Variants in DCP1A observed in about 807,000 individuals in gnomAD.
DCP1A encodes the protein decapping mRNA 1A, also known as mRNA-decapping enzyme 1A.
DCP1A carries 20 observed loss-of-function variants against 58.0 expected under a neutral mutation model. The ratio of observed to expected loss-of-function variants is 0.34; its 90% CI spans 0.24 to 0.50. The LOEUF (loss-of-function observed/expected upper bound fraction) is 0.50. DCP1A is among the 20% of genes least tolerant of loss of function. The pLI, the probability that DCP1A is intolerant of heterozygous loss-of-function variation, is 0.98. For missense variants in DCP1A, 613 were observed against 712.2 expected (o/e 0.86, Z 1.59); for synonymous variants, 285 against 275.1 (o/e 1.04, Z -0.36).
At chr3:53,337,106 A>G (rs1222155575) in intron 3 of DCP1A, among the ~76,000 whole-genome samples, 1 of 152,110 alleles carries the variant, frequency 6.6e-6, no homozygotes, top group Non-Finnish European at 1.5e-5. Context: ...TCCTGACCGC[A>G]GGTGATCCAC....
At chr3:53,314,673 T>C (rs1011149602) in intron 4 of DCP1A, among the ~76,000 whole-genome samples, 75 of 139,726 alleles carry the variant, frequency 5.4e-4, no homozygotes, top group Non-Finnish European at 6.5e-4. Context: ...TTTTCTTTTT[T>C]TTTTTTTTTT....
At chr3:53,290,050 G>A (rs1559678390) in intron 8 of DCP1A, among the ~76,000 whole-genome samples, 1 of 152,146 alleles carries the variant, frequency 6.6e-6, no homozygotes, top group Non-Finnish European at 1.5e-5. Flanking sequence ...ACTCCAAGAT[G>A]TAAGACCAGT....
intron 5 of DCP1A, among the ~76,000 whole-genome samples, chr3:53,310,188 C>A (rs1184896425): frequency 6.6e-6 from 1 of 152,182 alleles, no homozygotes; most frequent in East Asian, 1.9e-4. Context: ...TTTTAATCTA[C>A]CCATAGACGA....
intron 6 of DCP1A, among the ~76,000 whole-genome samples, chr3:53,303,780 T>G (rs1345025295): frequency 3.9e-5 from 6 of 152,016 alleles, no homozygotes; most frequent in Non-Finnish European, 8.8e-5. Context: ...CAATGCAGAG[T>G]GACAGATGAG....
chr3:53,335,428 C>G (rs966049104), intron 3 of DCP1A, among the ~76,000 whole-genome samples: 8 of 152,198 alleles, frequency 5.3e-5, no homozygotes, highest in Non-Finnish European at 1.0e-4. Flanking sequence ...AGGCGTGAGC[C>G]ATAGTGTCCG....
At chr3:53,346,693 G>A (rs2089295905) in intron 1 of DCP1A, among the ~76,000 whole-genome samples, 2 of 152,100 alleles carry the variant, frequency 1.3e-5, no homozygotes, top group Non-Finnish European at 1.5e-5. Flanking sequence ...GAGTCCGAGG[G>A]GAGCATTCAG....
intron 6 of DCP1A, among the ~76,000 whole-genome samples, chr3:53,296,037 C>T (rs942995629): frequency 2.6e-5 from 4 of 151,994 alleles, no homozygotes; most frequent in East Asian, 1.9e-4. Flanking sequence ...GGATTATAGG[C>T]GTGCGTCACC....
Position 53,315,996 on chromosome 3 carries a change from C to T in DCP1A, c.371+3411G>A, listed in dbSNP as rs566451159. Among the ~76,000 whole-genome samples the T allele has an allele frequency of 3.7e-4, 56 of 152,124 alleles. 1 individual carries two copies. Among genetic ancestry groups the T allele is most frequent in the Admixed American group, 1.1e-3 (17 of 15,276 alleles). ...GTCTCGATCTCCTGACCTCGTGATA[C>T]GCCTGTCTTGGCCTCCCAAAGCGCT... On this transcript the variant is annotated intron_variant, in intron 4 of 9. Transcript: ENST00000610213.
Position 53,347,462 on chromosome 3 carries a change from T to C in DCP1A, c.56A>G (p.His19Arg), listed in dbSNP as rs1553693295. The C allele has an allele frequency of 1.2e-6, 2 of 1,613,660 alleles. No individual in the cohort carries two copies. The highest frequency in any genetic ancestry group is 1.1e-5 in the South Asian group (1 of 91,084). Residue 19 changes from histidine (H) to arginine (R), a missense_variant, in exon 1 of 10, where the codon CAC becomes CGC. Physicochemically the swap from His to Arg is conservative, Grantham distance 29 (BLOSUM62 0). This residue lies in a region of DCP1A where 50 missense variants were observed against 37.0 expected (regional missense o/e 1.35). Coordinates refer to ENST00000610213, the MANE Select transcript of DCP1A (RefSeq NM_018403.7). Reference sequence around the variant, plus strand: ...TGCGATGCTGGTGATATAGGGGTCGTGTTGCTTCAGGGCCGCTAGGCTCAT... The same window carrying C: ...TGCGATGCTGGTGATATAGGGGTCGCGTTGCTTCAGGGCCGCTAGGCTCAT... ...QEMSLAALKQHDPYITSIADL... is the reference protein window; with the variant it reads ...QEMSLAALKQRDPYITSIADL...
At chr3:53,291,652 T>C (rs1034687065) in intron 7 of DCP1A, among the ~76,000 whole-genome samples, 3 of 152,148 alleles carry the variant, frequency 2.0e-5, no homozygotes, top group Non-Finnish European at 2.9e-5. Flanking sequence ...GATGTAAATA[T>C]GGGCAGTTGA....
chr3:53,310,163 T>A (rs1559690951), intron 5 of DCP1A, among the ~76,000 whole-genome samples: 1 of 152,190 alleles, frequency 6.6e-6, no homozygotes, highest in East Asian at 1.9e-4. Context: ...TTTAACCAAA[T>A]CCCAAAGGGT....
chr3:53,321,909 A>G (rs535531679), intron 3 of DCP1A, among the ~76,000 whole-genome samples: 1 of 152,340 alleles, frequency 6.6e-6, no homozygotes, highest in Admixed American at 6.5e-5. Flanking sequence ...AAGAAAGCCT[A>G]TACATAATTA....
At chr3:53,291,678 T>C (rs181423304) in intron 7 of DCP1A, among the ~76,000 whole-genome samples, 1 of 152,126 alleles carries the variant, frequency 6.6e-6, no homozygotes, top group East Asian at 1.9e-4. Flanking sequence ...TCAGCTTTAT[T>C]TGACCTCATA....
chr3:53,338,897 A>G (rs1413299280), intron 3 of DCP1A, among the ~76,000 whole-genome samples: 1 of 152,042 alleles, frequency 6.6e-6, no homozygotes, highest in Non-Finnish European at 1.5e-5. Context: ...AAAAATAAAT[A>G]AAACAAATAA....
At chr3:53,327,980 G>A (rs1367015714) in intron 3 of DCP1A, among the ~76,000 whole-genome samples, 5 of 151,244 alleles carry the variant, frequency 3.3e-5, no homozygotes, top group South Asian at 4.2e-4. Context: ...AAAATTAGCC[G>A]GGCATGGTGG....
intron 4 of DCP1A, among the ~76,000 whole-genome samples, chr3:53,319,206 A>G (rs1203934611): frequency 2.0e-5 from 3 of 152,248 alleles, no homozygotes; most frequent in Non-Finnish European, 2.9e-5. Context: ...GACTGGAAGG[A>G]AACTGAAATG....
chr3:53,320,058 G>C (rs1707917917), intron 3 of DCP1A, among the ~76,000 whole-genome samples: 1 of 151,766 alleles, frequency 6.6e-6, no homozygotes, highest in Non-Finnish European at 1.5e-5. Flanking sequence ...GGCCCGGGAG[G>C]CAGTGGTTGC....
intron 4 of DCP1A, among the ~76,000 whole-genome samples, chr3:53,315,720 T>C (rs1268713973): frequency 6.6e-6 from 1 of 150,464 alleles, no homozygotes; most frequent in African/African-American, 2.4e-5. Context: ...TTTATAAACA[T>C]TGTTTGGAGT....
intron 7 of DCP1A, 55 bp from the exon 8 acceptor site, chr3:53,290,911 A>G (rs1375890018): frequency 2.8e-6 from 4 of 1,446,340 alleles, no homozygotes; most frequent in Non-Finnish European, 1.9e-6. Context: ...AATTAAGAAG[A>G]CTTCCTAGTC....
Sources: allele counts gnomAD v4.1 joint callset (sites outside exome capture counted in the v4.1 genomes callset), GRCh38; gene constraint gnomAD v4.1.1; regional missense constraint gnomAD v4.1.1; transcripts MANE v1.5; gene names NCBI Gene and HGNC (gene_info 2026-07-23, HGNC 2026-07-21).